Variants in CD27 observed in about 807,000 individuals in gnomAD.
CD27 encodes the protein CD27 molecule, also known as CD27 antigen.
Under a neutral mutation model 25.9 loss-of-function variants are expected in CD27, and 16 were observed. The ratio of observed to expected loss-of-function variants is 0.62; its 90% confidence interval spans 0.42 to 0.94. CD27 has a LOEUF of 0.94. Among genes scored for constraint, CD27 ranks in the 40% least tolerant of loss-of-function variants. CD27 has a pLI of 0.00. For missense variants in CD27, 300 were observed against 333.2 expected (o/e 0.90, Z 0.78); for synonymous variants, 142 against 124.3 (o/e 1.14, Z -0.95).
At chr12:6,446,229 C>G (rs2136961765) in intron 2 of CD27, among the ~76,000 whole-genome samples, 1 of 152,224 alleles carries the variant, frequency 6.6e-6, no homozygotes, top group East Asian at 1.9e-4. Context: ...CTTTTTAGAA[C>G]CAGGTAACTG....
intron 2 of CD27, chr12:6,447,095 C>CA (rs201347682): frequency 1.6e-3 from 214 of 135,104 alleles, no homozygotes; most frequent in Non-Finnish European, 2.1e-3. Flanking sequence ...ACCCTGTTTC[C>CA]AAAAAAAAAA....
Position 6,445,676 on chromosome 12 carries a change from C to A in CD27, c.268+121C>A. The A allele has an allele frequency of 7.6e-7, 1 of 1,308,732 alleles. No homozygotes were observed. The highest frequency in any genetic ancestry group is 1.0e-6 in the Non-Finnish European group (1 of 971,130). 81.1% of individuals were successfully genotyped at this position (1,308,732 alleles called of 1,614,324 possible). A position where few individuals can be genotyped will look rare whatever the true frequency, so the allele number is the denominator to read the frequency against. On this transcript the variant is annotated intron_variant, in intron 2 of 5. Coordinates refer to ENST00000266557, the MANE Select transcript of CD27 (RefSeq NM_001242.5). This position sits in a 1 kb window ranked among gnomAD's most constrained non-coding sequence, Gnocchi z 4.5. ...GCCAAAGCTTTGGCCTTCTTCAAGG[C>A]TCACAGCAAGTGGAGCCAATGCTGG...
At chr12:6,449,081 C>T (rs1199965114) in intron 2 of CD27, among the ~76,000 whole-genome samples, 1 of 152,044 alleles carries the variant, frequency 6.6e-6, no homozygotes, top group African/African-American at 2.4e-5. Context: ...CTGTAACCTC[C>T]ACCTCCCGGG....
rs1316596380 is a variant in CD27, at chr12:6,450,298, T to C, written c.394T>C (p.Ser132Pro). The C allele has an allele frequency of 4.3e-6, 7 of 1,613,706 alleles. No individual in the cohort carries two copies. The highest frequency in any genetic ancestry group is 1.7e-5 in the Admixed American group (1 of 60,020). Residue 132 changes from serine to proline, a missense_variant, in exon 3 of 6, where the codon TCG becomes CCG. Transcript: ENST00000266557. This position sits in a 1 kb window ranked among gnomAD's most constrained non-coding sequence, Gnocchi z 4.1. Reference sequence around the variant, plus strand: ...TCCAAACCCTTCGCTGACCGCTCGGTCGTCTCAGGCCCTGAGCCCACACCC... The same window carrying C: ...TCCAAACCCTTCGCTGACCGCTCGGCCGTCTCAGGCCCTGAGCCCACACCC... ...PLPNPSLTARSSQALSPHPQP... is the reference protein window; with the variant it reads ...PLPNPSLTARPSQALSPHPQP...
intron 5 of CD27, 100 bp from the exon 6 acceptor site, chr12:6,451,168 T>C: frequency 3.3e-6 from 5 of 1,536,912 alleles, no homozygotes; most frequent in Non-Finnish European, 4.4e-6. Flanking sequence ...GGCGTGCTCC[T>C]GACACCCCTC....
Position 6,450,697 on chromosome 12 carries a change from G to A in CD27, c.538+67G>A, listed in dbSNP as rs1949521402. ...ACACGAGGGGCCAGGAGGGAAGCCA[G>A]ACAGAAAGCTCCTAGGATTAGGGAT... On this transcript the variant is annotated intron_variant, in intron 4 of 5. Coordinates refer to ENST00000266557, the MANE Select transcript of CD27 (RefSeq NM_001242.5). The surrounding 1 kb of genome is among the most constrained non-coding windows in gnomAD (Gnocchi z 4.1). 4 of 1,497,596 alleles carry A rather than the reference G, an allele frequency of 2.7e-6. No individual in the cohort carries two copies. In the South Asian group the frequency reaches 4.5e-5, roughly 17 times the overall value. 92.8% of individuals were successfully genotyped at this position (1,497,596 alleles called of 1,614,324 possible).
chr12:6,449,315 C>CGTT (rs1555123609), intron 2 of CD27, among the ~76,000 whole-genome samples: 1 of 123,730 alleles, frequency 8.1e-6, no homozygotes, highest in African/African-American at 3.1e-5. Context: ...TCTTTCTTTT[C>CGTT]TTTTTTTTTT....
At chr12:6,444,611 T>A (rs534764787), upstream of CD27, among the ~76,000 whole-genome samples, 24 of 124,196 alleles carry the variant, frequency 1.9e-4, no homozygotes, top group Non-Finnish European at 3.0e-4. Flanking sequence ...GATGCAGGTA[T>A]GGGAGACAGG....
intron 2 of CD27, among the ~76,000 whole-genome samples, chr12:6,446,636 C>A (rs1399685550): frequency 2.6e-5 from 4 of 151,952 alleles, no homozygotes; most frequent in African/African-American, 7.3e-5. Flanking sequence ...AAAAAATTGG[C>A]TGGTCATGGT....
chr12:6,450,465 AT>A lies in CD27; in HGVS notation c.449-75del, dbSNP rs1237526139. 2 of 1,545,548 alleles carry A rather than the reference AT, an allele frequency of 1.3e-6. No individual in the cohort carries two copies. The highest frequency in any genetic ancestry group is 2.7e-5 in the African/African-American group (2 of 73,566). On this transcript the variant is annotated intron_variant, in intron 3 of 5. Coordinates refer to ENST00000266557, the MANE Select transcript of CD27 (RefSeq NM_001242.5). The surrounding 1 kb of genome is among the most constrained non-coding windows in gnomAD (Gnocchi z 4.1). ...CAGCCTGTTTCTGCCTTCCCATCCC[AT>A]CCAGCACCTCTCAGGCCTTCAGATG... is the stretch of plus-strand genomic sequence containing the variant.
At position 6,451,015 on chromosome 12, in the gene CD27, G is replaced by A. The variant is rs1435235164; in HGVS notation, c.658+1G>A. 6.2e-7 allele frequency: 1 copy of A among 1,613,958 alleles called. No homozygotes were observed. The highest frequency in any genetic ancestry group is 8.5e-7 in the Non-Finnish European group (1 of 1,180,004). ...CATCAACGAAGGAAATATAGATCAA[G>A]TAAGAGACAGAACACAGGCCTCCGG... On this transcript the variant is annotated splice_donor_variant, in intron 5 of 5. Coordinates refer to ENST00000266557, the MANE Select transcript of CD27 (RefSeq NM_001242.5). LOFTEE classifies it high-confidence loss of function.
chr12:6,451,492 A>G lies in CD27; in HGVS notation c.*100A>G. 7.7e-7 allele frequency: 1 copy of G among 1,291,794 alleles called. No homozygotes were observed. Among genetic ancestry groups the G allele is most frequent in the South Asian group, 1.4e-5 (1 of 70,912 alleles). 80.0% of individuals were successfully genotyped at this position (1,291,794 alleles called of 1,614,324 possible). On this transcript the variant is annotated 3_prime_UTR_variant, in exon 6 of 6. Transcript: ENST00000266557. ...ACCTGGCAGCCACAACTGCAGTCCC[A>G]TCCTCTTGTCAGGGCCCTTTCCTGT... is the stretch of plus-strand genomic sequence containing the variant.
chr12:6,449,365 G>A (rs1949477255), intron 2 of CD27, among the ~76,000 whole-genome samples: 3 of 148,014 alleles, frequency 2.0e-5, no homozygotes, highest in East Asian at 2.0e-4. Flanking sequence ...CCAGGCTGGA[G>A]TGCAGTGGCG....
Position 6,450,303 on chromosome 12 carries a change from T to C in CD27, c.399T>C (p.Ser133=). 6.2e-7 allele frequency: 1 copy of C among 1,613,600 alleles called. No individual in the cohort carries two copies. The highest frequency in any genetic ancestry group is 1.1e-5 in the South Asian group (1 of 91,088). ...LPNPSLTARS[S]QALSPHPQPT... The stretch of plus-strand genomic sequence containing the variant: ...ACCCTTCGCTGACCGCTCGGTCGTC[T>C]CAGGCCCTGAGCCCACACCCTCAGC... The change falls in exon 3 of 6, where the codon TCT becomes TCC. Residue 133 remains serine (S), a synonymous_variant. Coordinates refer to ENST00000266557, the MANE Select transcript of CD27 (RefSeq NM_001242.5). The surrounding 1 kb of genome is among the most constrained non-coding windows in gnomAD (Gnocchi z 4.1).
At position 6,445,752 on chromosome 12, in the gene CD27, T is replaced by G. The variant is rs1009484533; in HGVS notation, c.268+197T>G. 6.6e-6 allele frequency among the ~76,000 whole-genome samples: 1 copy of G among 152,120 alleles called. No homozygotes were observed. The highest frequency in any genetic ancestry group is 1.5e-5 in the Non-Finnish European group (1 of 68,024). On this transcript the variant is annotated intron_variant, in intron 2 of 5. Transcript: ENST00000266557. This position sits in a 1 kb window ranked among gnomAD's most constrained non-coding sequence, Gnocchi z 4.5. ...TGAATTAACGTGGGCAGACATCTAG[T>G]ATTCCAGGAAAGGGATAAATAGAAT...
In CD27 at chr12:6,451,300, C is replaced by A. The variant is rs1397557643; in HGVS notation, c.691C>A (p.Pro231Thr). Residue 231 changes from proline (P) to threonine (T), a missense_variant, in exon 6 of 6, where the codon CCT (proline) becomes ACT (threonine). Pro to Thr is a conservative substitution (Grantham distance 38). Coordinates refer to ENST00000266557, the MANE Select transcript of CD27 (RefSeq NM_001242.5). Reference protein sequence around the residue: ...KGESPVEPAEPCHYSCPREEE... With the variant: ...KGESPVEPAETCHYSCPREEE... ...AGAAAGTCCTGTGGAGCCTGCAGAGCCTTGTCATTACAGCTGCCCCAGGGA... is the reference window on the plus strand; with the variant it reads ...AGAAAGTCCTGTGGAGCCTGCAGAGACTTGTCATTACAGCTGCCCCAGGGA... 1 of 1,613,998 alleles carries A rather than the reference C, an allele frequency of 6.2e-7. No individual in the cohort carries two copies. Among genetic ancestry groups the A allele is most frequent in the Non-Finnish European group, 8.5e-7 (1 of 1,179,912 alleles).
Position 6,445,248 on chromosome 12 carries a change from G to T in CD27, c.136+17G>T. The T allele has an allele frequency of 6.2e-7, 1 of 1,613,948 alleles. No individual in the cohort carries two copies. Among genetic ancestry groups the T allele is most frequent in the Middle Eastern group, 1.7e-4 (1 of 6,058 alleles). On this transcript the variant is annotated intron_variant, in intron 1 of 5. Coordinates refer to ENST00000266557, the MANE Select transcript of CD27 (RefSeq NM_001242.5). This position sits in a 1 kb window ranked among gnomAD's most constrained non-coding sequence, Gnocchi z 4.5. ...GTGAGCCAGGTAAGAGGGGGCCTTG[G>T]TAAGGGCCAGGTGAGTGGCGAAAGA... is the stretch of plus-strand genomic sequence containing the variant.
chr12:6,450,175 C>T lies in CD27; in HGVS notation c.271C>T (p.Leu91Phe). 6.2e-7 allele frequency: 1 copy of T among 1,611,286 alleles called. No individual in the cohort carries two copies. The highest frequency in any genetic ancestry group is 8.5e-7 in the Non-Finnish European group (1 of 1,179,716). ...CESCRHCNSG[L>F]LVRNCTITAN... ...TCCCTGGGCCTCTCTTCCCCCAGGT[C>T]TTCTCGTTCGCAACTGCACCATCAC... is the stretch of plus-strand genomic sequence containing the variant. The change falls in exon 3 of 6, where the codon CTT becomes TTT. Residue 91 changes from leucine (L) to phenylalanine (F), a missense_variant and splice_region_variant. Physicochemically the swap from Leu to Phe is conservative, Grantham distance 22. Transcript: ENST00000266557. This position sits in a 1 kb window ranked among gnomAD's most constrained non-coding sequence, Gnocchi z 4.1.
rs943017693 is a variant in CD27, at chr12:6,451,548, G to A, written c.*156G>A. 8 of 761,164 alleles carry A rather than the reference G, an allele frequency of 1.1e-5. No homozygotes were observed. Among genetic ancestry groups the A allele is most frequent in the Non-Finnish European group, 1.4e-5 (7 of 485,538 alleles). 47.2% of individuals were successfully genotyped at this position (761,164 alleles called of 1,614,324 possible). A position where few individuals can be genotyped will look rare whatever the true frequency, so the allele number is the denominator to read the frequency against. On this transcript the variant is annotated 3_prime_UTR_variant, in exon 6 of 6. Coordinates refer to ENST00000266557, the MANE Select transcript of CD27 (RefSeq NM_001242.5). ...CGTGACAGAGTGCCTTTTCGAGACTGGCAGGGACGAGGACAAATATGGATG... is the reference window on the plus strand; with the variant it reads ...CGTGACAGAGTGCCTTTTCGAGACTAGCAGGGACGAGGACAAATATGGATG...
Sources: allele counts gnomAD v4.1 joint callset (sites outside exome capture counted in the v4.1 genomes callset), GRCh38; gene constraint gnomAD v4.1.1; non-coding constraint Gnocchi (gnomAD v3.1); transcripts MANE v1.5; gene names NCBI Gene and HGNC (gene_info 2026-07-23, HGNC 2026-07-21).